CEP128: variants seen among roughly 807,000 people sequenced by gnomAD.
CEP128 encodes centrosomal protein 128kDa.
In CEP128, 132 loss-of-function variants were observed where a neutral mutation model predicts 156.7. The observed-to-expected ratio is 0.84, with a 90% CI of 0.73 to 0.97. The LOEUF is 0.97. CEP128 is among the 50% of genes least tolerant of loss of function. CEP128 has a pLI of 0.00. For missense variants in CEP128, 1,252 were observed against 1,281.9 expected, an observed-to-expected ratio of 0.98 and a Z score of 0.36; for synonymous variants, 469 against 448.9, an observed-to-expected ratio of 1.04 and a Z score of -0.57.
At chr14:80,512,502 A>G (rs1888306228) in intron 23 of CEP128, among the ~76,000 whole-genome samples, 1 of 151,972 alleles carries the variant, frequency 6.6e-6, no homozygotes, top group Admixed American at 6.6e-5. Context: ...CTTGTAGGCA[A>G]CAGACCATTG....
intron 9 of CEP128, among the ~76,000 whole-genome samples, chr14:80,849,904 A>C (rs1471487765): frequency 1.3e-5 from 2 of 152,186 alleles, no homozygotes; most frequent in Non-Finnish European, 2.9e-5. Context: ...ATGAATATTT[A>C]TAGAAAGTAT....
At chr14:80,540,467 T>C (rs1288559680) in intron 21 of CEP128, among the ~76,000 whole-genome samples, 3 of 152,116 alleles carry the variant, frequency 2.0e-5, no homozygotes, top group African/African-American at 4.8e-5. Context: ...CGGGAATGAA[T>C]AGTGAAGAGC....
intron 19 of CEP128, among the ~76,000 whole-genome samples, chr14:80,673,036 G>A (rs1895906546): frequency 6.6e-6 from 1 of 152,092 alleles, no homozygotes; most frequent in Non-Finnish European, 1.5e-5. Context: ...CCTTAGAAAA[G>A]ACAAGTAAAC....
chr14:80,909,403 A>ACACACG (rs34728272), intron 4 of CEP128, among the ~76,000 whole-genome samples: 3,342 of 150,536 alleles, frequency 0.022, 74 homozygotes, highest in Non-Finnish European at 0.027. Flanking sequence ...ACACACACAC[A>ACACACG]CGCAAACTCC....
chr14:80,760,412 C>T (rs773851573), intron 17 of CEP128, among the ~76,000 whole-genome samples: 7 of 150,870 alleles, frequency 4.6e-5, no homozygotes, highest in Admixed American at 3.3e-4. Flanking sequence ...CCTTTAAACA[C>T]AATTTAAGAT....
At position 80,790,758 on chromosome 14, in the gene CEP128, A is replaced by G. The variant is rs534394547; in HGVS notation, c.1560+2002T>C. On this transcript the variant is annotated intron_variant, in intron 14 of 24. Coordinates refer to ENST00000555265, the MANE Select transcript of CEP128 (RefSeq NM_152446.5). ...AAAAAAGCTTTTTGCCGTTTTGTAT[A>G]TTTTTTAAGTAACAAATCTTAAAGC... is the stretch of plus-strand genomic sequence containing the variant. 2.4e-4 allele frequency among the ~76,000 whole-genome samples: 37 copies of G among 152,200 alleles called. 1 individual carries two copies. In the South Asian group the frequency reaches 7.1e-3, roughly 29 times the overall value.
chr14:80,552,403 T>C (rs1890247688), intron 21 of CEP128, among the ~76,000 whole-genome samples: 1 of 152,160 alleles, frequency 6.6e-6, no homozygotes, highest in African/African-American at 2.4e-5. Context: ...TGGAAGATCT[T>C]TGTATACTCC....
intron 2 of CEP128, among the ~76,000 whole-genome samples, chr14:80,947,528 AC>A: frequency 6.6e-6 from 1 of 152,242 alleles, no homozygotes; most frequent in Non-Finnish European, 1.5e-5. Context: ...CAAAATGGCA[AC>A]AACACAGCAT....
chr14:80,603,953 G>T (rs1892679736), intron 19 of CEP128, among the ~76,000 whole-genome samples: 1 of 152,152 alleles, frequency 6.6e-6, no homozygotes, highest in South Asian at 2.1e-4. Flanking sequence ...AATCAATTCA[G>T]TGAAATGTTG....
intron 19 of CEP128, among the ~76,000 whole-genome samples, chr14:80,589,898 A>C (rs1272471384): frequency 6.6e-6 from 1 of 152,144 alleles, no homozygotes; most frequent in Non-Finnish European, 1.5e-5. Flanking sequence ...ATTTACCAGA[A>C]TGTAGATGCC....
intron 18 of CEP128, among the ~76,000 whole-genome samples, chr14:80,746,484 G>C (rs1383704056): frequency 6.6e-6 from 1 of 152,112 alleles, no homozygotes; most frequent in Admixed American, 6.5e-5. Context: ...CAATTTCATA[G>C]AGAAAAGAAT....
At chr14:80,837,589 T>C (rs538369668) in intron 11 of CEP128, among the ~76,000 whole-genome samples, 7 of 152,222 alleles carry the variant, frequency 4.6e-5, no homozygotes, top group Non-Finnish European at 8.8e-5. Context: ...TGGTGGCGCA[T>C]GCCTGTAATC....
chr14:80,613,881 GAAATAT>G (rs941320105), intron 19 of CEP128, among the ~76,000 whole-genome samples: 2 of 152,034 alleles, frequency 1.3e-5, no homozygotes, highest in African/African-American at 4.8e-5. Flanking sequence ...AGGTTATATG[GAAATAT>G]AAATATGTCT....
chr14:80,871,201 A>G (rs1888011257), intron 8 of CEP128, among the ~76,000 whole-genome samples: 1 of 152,122 alleles, frequency 6.6e-6, no homozygotes, highest in Admixed American at 6.5e-5. Flanking sequence ...CCCAGGTAGG[A>G]TTTTTAAACC....
intron 19 of CEP128, among the ~76,000 whole-genome samples, chr14:80,603,544 T>G (rs1389205751): frequency 2.0e-5 from 3 of 152,180 alleles, no homozygotes; most frequent in Non-Finnish European, 4.4e-5. Flanking sequence ...CTATTCCTTT[T>G]ATAAATGGAA....
At chr14:80,839,357 T>C (rs1367544303) in intron 10 of CEP128, among the ~76,000 whole-genome samples, 2 of 152,250 alleles carry the variant, frequency 1.3e-5, no homozygotes, top group Non-Finnish European at 2.9e-5. Flanking sequence ...GCTATCTGTA[T>C]ATTAATCATT....
At chr14:80,885,781 G>A (rs144263788) in intron 8 of CEP128, among the ~76,000 whole-genome samples, 1 of 152,118 alleles carries the variant, frequency 6.6e-6, no homozygotes, top group Non-Finnish European at 1.5e-5. Context: ...GAATGTGTTT[G>A]ACAAATTGAC....
At chr14:80,795,847 C>T (rs1489632059) in intron 13 of CEP128, among the ~76,000 whole-genome samples, 3 of 152,290 alleles carry the variant, frequency 2.0e-5, no homozygotes, top group Non-Finnish European at 2.9e-5. Flanking sequence ...CTTTTCCAGC[C>T]TCCAAGGAAA....
chr14:80,643,327 C>G (rs188363500), intron 19 of CEP128, among the ~76,000 whole-genome samples: 36 of 152,136 alleles, frequency 2.4e-4, no homozygotes, highest in Non-Finnish European at 4.4e-4. Flanking sequence ...CCATGCCCAT[C>G]AATAATGGAG....
Sources: gnomAD v4.1 joint callset for allele counts (sites outside exome capture counted in the v4.1 genomes callset) on GRCh38, gnomAD v4.1.1 for gene constraint, MANE v1.5 for transcripts, NCBI Gene and HGNC (gene_info 2026-07-23, HGNC 2026-07-21) for gene names.